LMF1: variants seen among roughly 807,000 people sequenced by gnomAD.
LMF1 encodes the protein transmembrane protein 112.
In LMF1, 68 loss-of-function variants were observed where a neutral mutation model predicts 60.6. The observed-to-expected ratio is 1.12, with a 90% CI of 0.92 to 1.37. The LOEUF (loss-of-function observed/expected upper bound fraction) is 1.37. Ranked by LOEUF, LMF1 falls within the 40% of genes most tolerant of loss-of-function variation. LMF1 has a pLI of 0.00. For missense variants in LMF1, 948 were observed against 767.2 expected, an observed-to-expected ratio of 1.24 and a Z score of -2.78; for synonymous variants, 418 against 324.7, an observed-to-expected ratio of 1.29 and a Z score of -3.09.
chr16:967,922 G>A (rs750886774), intron 1 of LMF1, among the ~76,000 whole-genome samples: 5 of 151,964 alleles, frequency 3.3e-5, no homozygotes, highest in East Asian at 1.9e-4. Context: ...TCTGCTCAAC[G>A]CAGTAATCAC....
upstream of LMF1, among the ~76,000 whole-genome samples, chr16:973,699 A>G (rs554574750): frequency 1.1e-4 from 17 of 152,312 alleles, no homozygotes; most frequent in African/African-American, 3.8e-4. Context: ...TTCGCCTCGA[A>G]TTTTAGAAAA....
chr16:905,929 A>AT (rs1555457216), intron 4 of LMF1, among the ~76,000 whole-genome samples: 1 of 151,910 alleles, frequency 6.6e-6, no homozygotes, highest in Non-Finnish European at 1.5e-5. Flanking sequence ...TTTATGGTTA[A>AT]TTTTTTTGTG....
chr16:871,340 G>A lies in LMF1; in HGVS notation c.899C>T (p.Ala300Val), dbSNP rs2069786012. 1 of 1,611,874 alleles carries A rather than the reference G, an allele frequency of 6.2e-7. No homozygotes were observed. The highest frequency in any genetic ancestry group is 8.5e-7 in the Non-Finnish European group (1 of 1,179,690). Residue 300 changes from alanine (A) to valine (V), a missense_variant and splice_region_variant, in exon 7 of 11, where the codon GCC becomes GTC. Coordinates refer to ENST00000262301, the MANE Select transcript of LMF1 (RefSeq NM_022773.4). ...IHGVLQILFQAVLIVSGNLSF... is the reference protein window; with the variant it reads ...IHGVLQILFQVVLIVSGNLSF... ...GAGGTTCCCGCTGACGATGAGGACG[G>A]CCTGTGGAGACGCCGCAGCTGAGTC... is the stretch of plus-strand genomic sequence containing the variant.
At chr16:944,519 G>A (rs145956477) in intron 2 of LMF1, among the ~76,000 whole-genome samples, 50 of 152,328 alleles carry the variant, frequency 3.3e-4, no homozygotes, top group Non-Finnish European at 5.7e-4. Context: ...CAGGCAGAAG[G>A]CCGGGGCCAC....
intron 3 of LMF1, among the ~76,000 whole-genome samples, chr16:932,679 C>T (rs546701645): frequency 6.6e-6 from 1 of 152,288 alleles, no homozygotes; most frequent in South Asian, 2.1e-4. Context: ...CTTCAGCCCC[C>T]AAACTGCTAA....
intron 4 of LMF1, chr16:900,681 ATGTGTGTGTGTGTGTGTG>A (rs139778716): frequency 3.2e-4 from 29 of 90,854 alleles, no homozygotes; most frequent in South Asian, 7.9e-4. Context: ...GCTAATTTTT[ATGTGTGTGTGTGTGTGTG>A]TGTGTGTGTG....
intron 3 of LMF1, among the ~76,000 whole-genome samples, chr16:913,474 C>T (rs1349841951): frequency 3.9e-5 from 6 of 152,264 alleles, no homozygotes; most frequent in African/African-American, 7.2e-5. Flanking sequence ...CCTGGCGCCT[C>T]GCCCGGTGCA....
chr16:866,626 C>T (rs894803328), intron 10 of LMF1, among the ~76,000 whole-genome samples: 1 of 151,962 alleles, frequency 6.6e-6, no homozygotes, highest in Non-Finnish European at 1.5e-5. Flanking sequence ...CCCAGTGAGC[C>T]GTTTGGAGGA....
intron 2 of LMF1, among the ~76,000 whole-genome samples, chr16:951,515 A>G (rs2072467639): frequency 6.6e-6 from 1 of 152,374 alleles, no homozygotes; most frequent in East Asian, 1.9e-4. Flanking sequence ...CTCTAAAATC[A>G]CTTAGAGTTT....
intron 6 of LMF1, 74 bp from the exon 7 acceptor site, chr16:871,415 TGGAGCAG>T (rs1485790772): frequency 1.7e-5 from 20 of 1,188,762 alleles, no homozygotes; most frequent in Middle Eastern, 2.9e-4. Context: ...CCTCTCTTCC[TGGAGCAG>T]GGAGGGGGGA....
At chr16:912,846 C>T (rs914693814) in intron 3 of LMF1, among the ~76,000 whole-genome samples, 7 of 152,370 alleles carry the variant, frequency 4.6e-5, no homozygotes, top group African/African-American at 1.7e-4. Context: ...TGCCATTGTT[C>T]TCCGCCTCAG....
chr16:929,407 G>A (rs1004299949), intron 3 of LMF1, among the ~76,000 whole-genome samples: 1 of 152,230 alleles, frequency 6.6e-6, no homozygotes, highest in Non-Finnish European at 1.5e-5. Context: ...TGGGGGTCAG[G>A]CCCACACTTG....
At chr16:899,249 T>TG (rs1164738908) in intron 4 of LMF1, 1 of 152,250 alleles carries the variant, frequency 6.6e-6, no homozygotes, top group Non-Finnish European at 1.5e-5. Flanking sequence ...GACTCCGGTC[T>TG]GGGCCTCGGC....
intron 5 of LMF1, among the ~76,000 whole-genome samples, chr16:891,137 G>C (rs548713025): frequency 6.6e-6 from 1 of 152,332 alleles, no homozygotes; most frequent in East Asian, 1.9e-4. Flanking sequence ...TGGACACAGG[G>C]GAAGGCAGTG....
upstream of LMF1, among the ~76,000 whole-genome samples, chr16:972,607 G>A (rs2073071239): frequency 6.6e-6 from 1 of 152,236 alleles, no homozygotes; most frequent in Non-Finnish European, 1.5e-5. Context: ...CCTGCTAGGG[G>A]ACGGACGGCG....
intron 4 of LMF1, chr16:900,724 TG>T (rs766847371): frequency 0.13 from 19,858 of 147,304 alleles, 1,664 homozygotes; most frequent in African/African-American, 0.21. Flanking sequence ...TGTGTGTGTG[TG>T]TGTGTGTTTT....
intron 3 of LMF1, among the ~76,000 whole-genome samples, chr16:912,645 C>T (rs556801131): frequency 3.3e-5 from 5 of 152,300 alleles, no homozygotes; most frequent in South Asian, 2.1e-4. Flanking sequence ...GGTCTCTCAG[C>T]GGGACCCCCT....
At chr16:881,054 G>C (rs370621808) in intron 5 of LMF1, among the ~76,000 whole-genome samples, 1 of 152,216 alleles carries the variant, frequency 6.6e-6, no homozygotes, top group East Asian at 1.9e-4. Context: ...TCCGCACCCA[G>C]GTCCTGGGAC....
At chr16:902,632 ATCG>A in intron 4 of LMF1, 2 of 176,140 alleles carry the variant, frequency 1.1e-5, no homozygotes, top group Non-Finnish European at 1.2e-5. Context: ...TGACCTCTGC[ATCG>A]CCCACAGGAC....
Sources: gnomAD v4.1 joint callset for allele counts (sites outside exome capture counted in the v4.1 genomes callset) on GRCh38, gnomAD v4.1.1 for gene constraint, MANE v1.5 for transcripts, NCBI Gene and HGNC (gene_info 2026-07-23, HGNC 2026-07-21) for gene names.